ADD3: variants seen among roughly 807,000 people sequenced by gnomAD.
The protein encoded by ADD3 is gamma-adducin.
A neutral mutation model predicts 80.2 loss-of-function variants in ADD3; 25 were observed. The ratio of observed to expected loss-of-function variants is 0.31; its 90% confidence interval spans 0.23 to 0.44. ADD3 has a LOEUF of 0.44. ADD3 is among the 20% of genes least tolerant of loss of function. ADD3 has a pLI of 1.00. For missense variants in ADD3, 829 were observed against 847.5 expected (o/e 0.98, Z 0.27); for synonymous variants, 284 against 289.6 (o/e 0.98, Z 0.20).
At position 110,130,459 on chromosome 10, in the gene ADD3, A is replaced by G. The variant is rs1852815720; in HGVS notation, c.1705A>G (p.Ile569Val). The change falls in exon 13 of 15, where the codon ATC (isoleucine) becomes GTC (valine). Residue 569 changes from isoleucine to valine, a missense_variant. Physicochemically the swap from Ile to Val is conservative, Grantham distance 29. Coordinates refer to ENST00000356080, the MANE Select transcript of ADD3 (RefSeq NM_016824.5). ...EGELEEYKRT[I>V]ERKQQGLEDA... ...AGAACTTGAAGAGTATAAGAGGACA[A>G]TCGAACGTAAACAACAAGGCCTAGA... 2 of 1,613,970 alleles carry G rather than the reference A, an allele frequency of 1.2e-6. No individual in the cohort carries two copies. Among genetic ancestry groups the G allele is most frequent in the African/African-American group, 1.3e-5 (1 of 74,934 alleles).
intron 1 of ADD3, among the ~76,000 whole-genome samples, chr10:110,034,450 T>G (rs1308893575): frequency 1.3e-5 from 2 of 151,468 alleles, no homozygotes; most frequent in African/African-American, 4.8e-5. Context: ...AAAATTATAT[T>G]TTTTCATTAA....
upstream of ADD3, among the ~76,000 whole-genome samples, chr10:110,006,808 G>T (rs986432780): frequency 2.6e-5 from 4 of 151,960 alleles, no homozygotes; most frequent in Admixed American, 1.3e-4. Flanking sequence ...CGAGTCTGCA[G>T]ATGAGGAAAG....
At chr10:110,100,506 A>G (rs559746953) in intron 1 of ADD3, 119 bp from the exon 2 acceptor site, 15 of 514,182 alleles carry the variant, frequency 2.9e-5, no homozygotes, top group Admixed American at 2.1e-4. Flanking sequence ...TTGAGAAGCT[A>G]CTTTTTAAAG....
At chr10:110,007,146 G>A (rs565501121), upstream of ADD3, among the ~76,000 whole-genome samples, 1 of 152,302 alleles carries the variant, frequency 6.6e-6, no homozygotes, top group Non-Finnish European at 1.5e-5. Flanking sequence ...GCCCGGCCCC[G>A]CATTCATTTT....
intron 1 of ADD3, among the ~76,000 whole-genome samples, chr10:110,053,795 A>G (rs777927387): frequency 1.3e-5 from 2 of 152,232 alleles, no homozygotes; most frequent in African/African-American, 2.4e-5. Flanking sequence ...GAAAGTATTA[A>G]TAAGTTTAAC....
At chr10:110,111,656 C>A (rs1294512086) in intron 2 of ADD3, among the ~76,000 whole-genome samples, 1 of 152,204 alleles carries the variant, frequency 6.6e-6, no homozygotes, top group Non-Finnish European at 1.5e-5. Context: ...TGGCTCACGC[C>A]TGTAATCCCA....
In ADD3 at chr10:110,112,813, C is replaced by T; in HGVS notation, c.232C>T (p.Gln78Ter). ...REDLECLIQE[Q>*]MKKGHNPTGL... Reference sequence around the variant, plus strand: ...AGACTTGGAATGCCTTATTCAAGAACAGATGAAGAAAGGCCACAACCCAAC... The same window carrying T: ...AGACTTGGAATGCCTTATTCAAGAATAGATGAAGAAAGGCCACAACCCAAC... The change falls in exon 3 of 15, where the codon CAG (glutamine) becomes TAG (stop). Residue 78 changes from glutamine (Q) to a stop codon, truncating the protein, a stop_gained. Coordinates refer to ENST00000356080, the MANE Select transcript of ADD3 (RefSeq NM_016824.5). LOFTEE classifies it high-confidence loss of function. The T allele has an allele frequency of 6.2e-7, 1 of 1,614,056 alleles. No homozygotes were observed. The highest frequency in any genetic ancestry group is 8.5e-7 in the Non-Finnish European group (1 of 1,179,970).
chr10:110,094,830 G>A (rs1412470458), intron 1 of ADD3, among the ~76,000 whole-genome samples: 3 of 152,120 alleles, frequency 2.0e-5, no homozygotes, highest in African/African-American at 7.2e-5. Flanking sequence ...AATAGCATTT[G>A]TTGTTTTGTT....
chr10:110,092,640 T>C (rs1847676258), intron 1 of ADD3, among the ~76,000 whole-genome samples: 1 of 152,184 alleles, frequency 6.6e-6, no homozygotes, highest in African/African-American at 2.4e-5. Context: ...ACTTGGCTTA[T>C]GAAATCATTT....
rs779085689 is a variant in ADD3, at chr10:110,126,537, T to C, written c.1608+34T>C. ...ATGAAGTAGTATGATCTTTGTTTTT[T>C]ATTTACCACATTAATTTCATTGATT... On this transcript the variant is annotated intron_variant, in intron 12 of 14. Coordinates refer to ENST00000356080, the MANE Select transcript of ADD3 (RefSeq NM_016824.5). 11 of 1,378,184 alleles carry C rather than the reference T, an allele frequency of 8.0e-6. No individual in the cohort carries two copies. The East Asian group carries it at 2.3e-4, about 29-fold the overall frequency. 85.4% of individuals were successfully genotyped at this position (1,378,184 alleles called of 1,614,324 possible).
At chr10:110,000,356 T>C (rs951708938) in intron 1 of ADD3, among the ~76,000 whole-genome samples, 4 of 152,252 alleles carry the variant, frequency 2.6e-5, no homozygotes, top group African/African-American at 9.6e-5. Flanking sequence ...TGTCAGAATA[T>C]AAGCTGGTCT....
At chr10:110,027,298 T>G (rs922891005) in intron 1 of ADD3, among the ~76,000 whole-genome samples, 2 of 152,180 alleles carry the variant, frequency 1.3e-5, no homozygotes, top group African/African-American at 4.8e-5. Context: ...CAGTGATGCC[T>G]TTTGTACAGG....
chr10:110,127,634 A>G (rs1298072501), intron 12 of ADD3, among the ~76,000 whole-genome samples: 1 of 152,246 alleles, frequency 6.6e-6, no homozygotes, highest in African/African-American at 2.4e-5. Context: ...AGAATAACAT[A>G]AAATCTGTCC....
chr10:110,066,957 A>G (rs1024983314), intron 1 of ADD3, among the ~76,000 whole-genome samples: 1 of 152,224 alleles, frequency 6.6e-6, no homozygotes, highest in Non-Finnish European at 1.5e-5. Flanking sequence ...ACAAACTGGT[A>G]AGCCAAAATA....
chr10:110,005,000 C>CTG (rs1279536006), upstream of ADD3, among the ~76,000 whole-genome samples: 1 of 152,108 alleles, frequency 6.6e-6, no homozygotes, highest in Non-Finnish European at 1.5e-5. Flanking sequence ...AGCATTAATA[C>CTG]TGTGCTATTA....
At position 110,124,075 on chromosome 10, in the gene ADD3, A is replaced by G; in HGVS notation, c.1202A>G (p.Lys401Arg). ...HPLIREKPRH[K>R]SDVEIPATVT... ...CTCATTCGAGAGAAGCCTAGGCACA[A>G]GAGTGATGTGGAAATCCCAGCAACT... The change falls in exon 10 of 15, where the codon AAG (lysine) becomes AGG (arginine). Residue 401 changes from lysine (K) to arginine (R), a missense_variant. Physicochemically the swap from Lys to Arg is conservative, Grantham distance 26. Coordinates refer to ENST00000356080, the MANE Select transcript of ADD3 (RefSeq NM_016824.5). 6.2e-7 allele frequency: 1 copy of G among 1,614,210 alleles called. No individual in the cohort carries two copies. Among genetic ancestry groups the G allele is most frequent in the Non-Finnish European group, 8.5e-7 (1 of 1,180,018 alleles).
At chr10:110,075,289 T>G (rs1396835999) in intron 1 of ADD3, among the ~76,000 whole-genome samples, 1 of 152,206 alleles carries the variant, frequency 6.6e-6, no homozygotes, top group Non-Finnish European at 1.5e-5. Context: ...AGGGAGAATA[T>G]TTTTTCATGT....
At chr10:110,083,561 C>A (rs1433077898) in intron 1 of ADD3, among the ~76,000 whole-genome samples, 1 of 151,930 alleles carries the variant, frequency 6.6e-6, no homozygotes, top group Non-Finnish European at 1.5e-5. Context: ...AGCAAAGCAA[C>A]AATCGGGGAT....
chr10:110,032,130 A>G (rs1855114957), intron 1 of ADD3, among the ~76,000 whole-genome samples: 1 of 152,250 alleles, frequency 6.6e-6, no homozygotes, highest in African/African-American at 2.4e-5. Context: ...GACTGGCCAT[A>G]TAAGGAAAGA....
Sources: gnomAD v4.1 joint callset for allele counts (sites outside exome capture counted in the v4.1 genomes callset) on GRCh38, gnomAD v4.1.1 for gene constraint, MANE v1.5 for transcripts, NCBI Gene and HGNC (gene_info 2026-07-23, HGNC 2026-07-21) for gene names.